The following VPS54 variants were observed in gnomAD, a reference collection of about 807,000 sequenced individuals.
The protein encoded by VPS54 is VPS54 subunit of GARP complex, also known as vacuolar protein sorting-associated protein 54.
A neutral mutation model predicts 121.5 loss-of-function variants in VPS54; 45 were observed. That is an observed-to-expected ratio of 0.37 (90% CI 0.29 to 0.47). The LOEUF is 0.47. VPS54 is among the 20% of genes least tolerant of loss of function. The pLI, the probability that VPS54 is intolerant of heterozygous loss-of-function variation, is 0.99. For synonymous variants in VPS54, 371 were observed against 385.8 expected (o/e 0.96, Z 0.45); for missense variants, 1,090 against 1,131.4 (o/e 0.96, Z 0.52).
chr2:64,013,692 CATAT>C (rs955008677), intron 1 of VPS54, among the ~76,000 whole-genome samples: 3 of 145,270 alleles, frequency 2.1e-5, no homozygotes, highest in Non-Finnish European at 4.5e-5. Context: ...ATATATATCA[CATAT>C]ATAGAGATAT....
rs907775359 is a variant in VPS54 at position 63,921,199 on chromosome 2, T to G, written c.1869+7A>C. On this transcript the variant is annotated splice_region_variant and intron_variant, in intron 13 of 22. Coordinates refer to ENST00000272322, the MANE Select transcript of VPS54 (RefSeq NM_016516.3). ...TAAAATATATAAAGCTTTATGAAAA[T>G]AGCTACCTTTGCTCTTGACATGAGA... 2.1e-5 allele frequency: 33 copies of G among 1,601,966 alleles called. No homozygotes were observed. The highest frequency in any genetic ancestry group is 2.7e-5 in the Non-Finnish European group (32 of 1,174,768).
At chr2:63,959,054 A>G (rs1675631397) in intron 7 of VPS54, among the ~76,000 whole-genome samples, 1 of 152,232 alleles carries the variant, frequency 6.6e-6, no homozygotes, top group Admixed American at 6.5e-5. Flanking sequence ...GAGATCTCTA[A>G]TACATATTGT....
At chr2:63,910,644 T>C (rs1054442336) in intron 20 of VPS54, among the ~76,000 whole-genome samples, 8 of 152,212 alleles carry the variant, frequency 5.3e-5, no homozygotes, top group African/African-American at 1.7e-4. Context: ...CTCAAATTTA[T>C]TATAAAATAT....
At chr2:63,993,321 C>T (rs1677419268) in intron 1 of VPS54, among the ~76,000 whole-genome samples, 1 of 152,148 alleles carries the variant, frequency 6.6e-6, no homozygotes, top group Non-Finnish European at 1.5e-5. Flanking sequence ...GGGGAGATTC[C>T]AATCTCCGCA....
intron 22 of VPS54, among the ~76,000 whole-genome samples, chr2:63,894,678 G>T (rs1243423838): frequency 6.7e-6 from 1 of 150,246 alleles, no homozygotes; most frequent in East Asian, 1.9e-4. Flanking sequence ...CCTCCAGCCT[G>T]TGTGACCATG....
At chr2:64,015,554 T>C (rs901102904) in intron 1 of VPS54, among the ~76,000 whole-genome samples, 21 of 152,220 alleles carry the variant, frequency 1.4e-4, no homozygotes, top group African/African-American at 5.1e-4. Flanking sequence ...AAGTATGTCC[T>C]GTGCATTGTA....
chr2:63,923,946 A>C (rs541146261), intron 12 of VPS54, among the ~76,000 whole-genome samples: 74 of 152,236 alleles, frequency 4.9e-4, no homozygotes, highest in Non-Finnish European at 7.8e-4. Context: ...AGTTAGACTC[A>C]CACATATAAG....
Position 63,972,934 on chromosome 2 carries a change from TA to T in VPS54, c.379-691del, listed in dbSNP as rs111770155. 2.9e-3 allele frequency among the ~76,000 whole-genome samples: 403 copies of T among 139,722 alleles called. 1 individual carries two copies. Among genetic ancestry groups the T allele is most frequent in the Non-Finnish European group, 3.0e-3 (192 of 63,548 alleles). 91.7% of individuals were successfully genotyped at this position (139,722 alleles called of 152,430 possible). On this transcript the variant is annotated intron_variant, in intron 3 of 22. Transcript: ENST00000272322. ...AAATTAGTTATTGACACGTTCTGAG[TA>T]AAAAAAAAAAAAATCTCACTCTGAT...
In VPS54 at chr2:63,962,218, C is replaced by A; in HGVS notation, c.850G>T (p.Val284Phe). ...LRLALTRNNC[V>F]KVYNKLKLMA... ...AACTTCAGCTTATTGTATACTTTAA[C>A]ACAATTATTTCTGGTAAGTGCCAGT... Residue 284 changes from valine to phenylalanine, a missense_variant, in exon 7 of 23, where the codon GTT becomes TTT. Val to Phe is a conservative substitution (Grantham distance 50, BLOSUM62 -1). Coordinates refer to ENST00000272322, the MANE Select transcript of VPS54 (RefSeq NM_016516.3). 6.2e-7 allele frequency: 1 copy of A among 1,613,998 alleles called. No homozygotes were observed. Among genetic ancestry groups the A allele is most frequent in the Non-Finnish European group, 8.5e-7 (1 of 1,179,888 alleles).
At chr2:63,961,915 T>G (rs1280629741) in intron 7 of VPS54, 143 bp downstream of exon 7, 1 of 906,068 alleles carries the variant, frequency 1.1e-6, no homozygotes, top group Non-Finnish European at 1.6e-6. Context: ...AATATCAGAA[T>G]AACATTATTA....
intron 1 of VPS54, among the ~76,000 whole-genome samples, chr2:64,006,618 A>G (rs1678168551): frequency 6.7e-6 from 1 of 150,028 alleles, no homozygotes; most frequent in Non-Finnish European, 1.5e-5. Flanking sequence ...TGCAACAACT[A>G]TTATTATAAA....
At chr2:63,976,025 C>T (rs545859624) in intron 3 of VPS54, among the ~76,000 whole-genome samples, 57 of 152,256 alleles carry the variant, frequency 3.7e-4, no homozygotes, top group Non-Finnish European at 5.0e-4. Flanking sequence ...CCGACACGCC[C>T]GGTACATTCT....
intron 20 of VPS54, among the ~76,000 whole-genome samples, chr2:63,908,240 C>T (rs948886414): frequency 1.3e-5 from 2 of 151,956 alleles, no homozygotes; most frequent in Admixed American, 6.5e-5. Flanking sequence ...TATAATAAAA[C>T]GGAACAAACC....
rs1677630572 is a variant in VPS54 at position 63,997,043 on chromosome 2, TTC to T, written c.-20-13026_-20-13025del. ...TCACCCAGACACTCAGCTTTAAAAT[TTC>T]TCTCTTTTGTACTATTTCCCTTTAT... On this transcript the variant is annotated intron_variant, in intron 1 of 22. Coordinates refer to ENST00000272322, the MANE Select transcript of VPS54 (RefSeq NM_016516.3). Among the ~76,000 whole-genome samples, 3 of 152,334 alleles carry T rather than the reference TTC, an allele frequency of 2.0e-5. No individual in the cohort carries two copies. The South Asian group carries it at 6.2e-4, about 32-fold the overall frequency.
rs1168781809 is a variant in VPS54, at chr2:63,962,458, A to G, written c.625-15T>C. On this transcript the variant is annotated splice_polypyrimidine_tract_variant and intron_variant, in intron 6 of 22. Coordinates refer to ENST00000272322, the MANE Select transcript of VPS54 (RefSeq NM_016516.3). ...TAATGGCTCAGCTTAAAAGAGAAGGAAAAAAAATATGAAGTACTATGAGCA... is the reference window on the plus strand; with the variant it reads ...TAATGGCTCAGCTTAAAAGAGAAGGGAAAAAAATATGAAGTACTATGAGCA... The G allele has an allele frequency of 1.3e-5, 20 of 1,580,676 alleles. No homozygotes were observed. Among genetic ancestry groups the G allele is most frequent in the Non-Finnish European group, 1.5e-5 (18 of 1,164,430 alleles).
At chr2:63,962,847 T>C (rs531696999) in intron 6 of VPS54, among the ~76,000 whole-genome samples, 1 of 152,278 alleles carries the variant, frequency 6.6e-6, no homozygotes, top group Non-Finnish European at 1.5e-5. Context: ...AATAGATGAT[T>C]ACACCTTCCA....
rs1022911144 is a variant in VPS54 at position 63,919,745 on chromosome 2, C to T, written c.2164+138G>A. The T allele has an allele frequency of 2.8e-5, 15 of 538,484 alleles. No homozygotes were observed. In the South Asian group the frequency reaches 4.3e-4, roughly 15 times the overall value. The allele number at this position is 538,484 out of a possible 1,614,324, so 33.4% of individuals were successfully genotyped here. ...ATTATTATAAATTACCATAGTTTTC[C>T]TGTCAAGTATTTACTAAGCTGGAAA... On this transcript the variant is annotated intron_variant, in intron 15 of 22. Coordinates refer to ENST00000272322, the MANE Select transcript of VPS54 (RefSeq NM_016516.3).
intron 1 of VPS54, among the ~76,000 whole-genome samples, chr2:64,017,331 C>A (rs1452328382): frequency 2.2e-4 from 30 of 137,134 alleles, no homozygotes; most frequent in African/African-American, 7.9e-4. Context: ...AGCAAGACCC[C>A]GTCTCAAAAA....
At chr2:63,909,537 T>C (rs1359152564) in intron 20 of VPS54, among the ~76,000 whole-genome samples, 1 of 143,868 alleles carries the variant, frequency 7.0e-6, no homozygotes. Flanking sequence ...TTCTCTGCCA[T>C]AGCCTCCGGG....
Sources: gnomAD v4.1 joint callset for allele counts (sites outside exome capture counted in the v4.1 genomes callset) on GRCh38, gnomAD v4.1.1 for gene constraint, MANE v1.5 for transcripts, NCBI Gene and HGNC (gene_info 2026-07-23, HGNC 2026-07-21) for gene names.